CRYBG2: variants seen among roughly 807,000 people sequenced by gnomAD.
CRYBG2 encodes the protein beta/gamma crystallin domain-containing protein 2.
Under a neutral mutation model 153.4 loss-of-function variants are expected in CRYBG2, and 106 were observed. The observed-to-expected ratio is 0.69, with a 90% confidence interval of 0.59 to 0.81. The LOEUF is 0.81. Among genes scored for constraint, CRYBG2 ranks in the 30% least tolerant of loss-of-function variants. The pLI, the probability that CRYBG2 is intolerant of heterozygous loss-of-function variation, is 0.00. For missense variants in CRYBG2, 1,996 were observed against 2,112.0 expected (o/e 0.95, Z 1.08); for synonymous variants, 851 against 877.8 (o/e 0.97, Z 0.54).
At position 26,344,778 on chromosome 1, in the gene CRYBG2, G is replaced by T. The variant is rs760812107; in HGVS notation, c.1880C>A (p.Ser627Tyr). Reference sequence around the variant, plus strand: ...CTGGACAACCTCAGTTGACTTGGGGGACAAGGCAGCAGGAGCACCAGACCC... The same window carrying T: ...CTGGACAACCTCAGTTGACTTGGGGTACAAGGCAGCAGGAGCACCAGACCC... ...VQGSGAPAAL[S>Y]PKSTEVVQGP... The change falls in exon 2 of 20, where the codon TCC (serine) becomes TAC (tyrosine). Residue 627 changes from serine (S) to tyrosine (Y), a missense_variant. Ser to Tyr is a moderately radical substitution (Grantham distance 144, BLOSUM62 -2). Coordinates refer to ENST00000308182, the MANE Select transcript of CRYBG2 (RefSeq NM_001039775.4). 28 of 1,536,070 alleles carry T rather than the reference G, an allele frequency of 1.8e-5. No homozygotes were observed. Among genetic ancestry groups the T allele is most frequent in the South Asian group, 1.3e-4 (11 of 84,042 alleles).
intron 14 of CRYBG2, among the ~76,000 whole-genome samples, chr1:26,333,045 A>AAAAAAAAAAAAAAAC (rs2074016334): frequency 1.4e-5 from 2 of 138,736 alleles, no homozygotes; most frequent in Non-Finnish European, 3.1e-5. Flanking sequence ...AAAAAAAAAA[A>AAAAAAAAAAAAAAAC]AGATTTCTAA....
chr1:26,332,114 T>G (rs1417285514), intron 14 of CRYBG2, among the ~76,000 whole-genome samples: 11 of 150,402 alleles, frequency 7.3e-5, no homozygotes, highest in Admixed American at 7.2e-4. Context: ...GAGACCATCC[T>G]GGCTAACACA....
At chr1:26,339,741 CA>C (rs35587689) in intron 5 of CRYBG2, among the ~76,000 whole-genome samples, 235 of 142,840 alleles carry the variant, frequency 1.6e-3, no homozygotes, top group African/African-American at 2.9e-3. Flanking sequence ...CGTCTCAAAA[CA>C]AAAAAAAAAA....
intron 1 of CRYBG2, among the ~76,000 whole-genome samples, chr1:26,349,482 C>T (rs1006500718): frequency 1.3e-5 from 2 of 152,188 alleles, no homozygotes; most frequent in Non-Finnish European, 2.9e-5. Flanking sequence ...TCTCACCCTC[C>T]GTCCTGGAGG....
chr1:26,332,494 TTTGTTGTTGTTA>T (rs1019526463), intron 14 of CRYBG2, among the ~76,000 whole-genome samples: 10 of 152,082 alleles, frequency 6.6e-5, no homozygotes, highest in African/African-American at 2.2e-4. Context: ...ATTCACACTT[TTTGTTGTTGTTA>T]TTGTTGTTGT....
At chr1:26,339,984 T>C (rs1392093350) in intron 5 of CRYBG2, among the ~76,000 whole-genome samples, 1 of 152,178 alleles carries the variant, frequency 6.6e-6, no homozygotes, top group African/African-American at 2.4e-5. Context: ...CGGGAGAACC[T>C]GCAAAGTGCC....
At position 26,336,505 on chromosome 1, in the gene CRYBG2, A is replaced by G. The variant is rs1395817340; in HGVS notation, c.4038+101T>C. 5 of 1,542,868 alleles carry G rather than the reference A, an allele frequency of 3.2e-6. No homozygotes were observed. Among genetic ancestry groups the G allele is most frequent in the African/African-American group, 1.4e-5 (1 of 72,268 alleles). On this transcript the variant is annotated intron_variant, in intron 12 of 19. Transcript: ENST00000308182. The surrounding 1 kb of genome is among the most constrained non-coding windows in gnomAD (Gnocchi z 4.9). ...TTCTAAGGCCCCGCCCCAAGCGCCCAGGCAGGTCCTCCAGCCCGCTACCTC... is the reference window on the plus strand; with the variant it reads ...TTCTAAGGCCCCGCCCCAAGCGCCCGGGCAGGTCCTCCAGCCCGCTACCTC...
intron 1 of CRYBG2, 149 bp downstream of exon 1, chr1:26,353,887 A>C: frequency 2.5e-6 from 1 of 398,270 alleles, no homozygotes; most frequent in East Asian, 3.6e-5. Context: ...GAGGGAGAGG[A>C]AGGCAGGGTT....
intron 18 of CRYBG2, among the ~76,000 whole-genome samples, chr1:26,322,982 T>C (rs1418639589): frequency 6.6e-6 from 1 of 152,164 alleles, no homozygotes; most frequent in Non-Finnish European, 1.5e-5. Context: ...GGCTGTTCCC[T>C]CTGCCTGGAA....
chr1:26,348,200 T>G (rs2074248178), intron 1 of CRYBG2, among the ~76,000 whole-genome samples: 1 of 152,194 alleles, frequency 6.6e-6, no homozygotes, highest in Admixed American at 6.5e-5. Context: ...TGTATGGGCA[T>G]GAGCACCTGC....
At chr1:26,333,530 C>T (rs558909906) in intron 14 of CRYBG2, among the ~76,000 whole-genome samples, 1 of 151,362 alleles carries the variant, frequency 6.6e-6, no homozygotes, top group African/African-American at 2.4e-5. Flanking sequence ...TGCGCCATTG[C>T]ACTCCAGCCT....
intron 18 of CRYBG2, 73 bp downstream of exon 18, chr1:26,324,079 G>A: frequency 6.6e-7 from 1 of 1,510,626 alleles, no homozygotes; most frequent in South Asian, 1.2e-5. Flanking sequence ...TCCTGATTGG[G>A]CTGGGACTCC....
chr1:26,335,802 TAG>T (rs1300821666), intron 14 of CRYBG2, among the ~76,000 whole-genome samples: 6 of 152,180 alleles, frequency 3.9e-5, no homozygotes, highest in Admixed American at 3.9e-4. Context: ...TCTTTCATAT[TAG>T]AGACACACGT....
In CRYBG2 at chr1:26,346,672, A is replaced by G. The variant is rs1178665488; in HGVS notation, c.-15T>C. The G allele has an allele frequency of 2.6e-6, 4 of 1,521,242 alleles. No homozygotes were observed. The Admixed American group carries it at 6.4e-5, about 24-fold the overall frequency. 94.2% of individuals were successfully genotyped at this position (1,521,242 alleles called of 1,614,324 possible). A position where few individuals can be genotyped will look rare whatever the true frequency, so the allele number is the denominator to read the frequency against. On this transcript the variant is annotated 5_prime_UTR_variant, in exon 2 of 20. Transcript: ENST00000308182. The surrounding 1 kb of genome is among the most constrained non-coding windows in gnomAD (Gnocchi z 4.9). The stretch of plus-strand genomic sequence containing the variant: ...GCCTCCTCCATGTGGGGCCCTGGCA[A>G]CCTGTCTGGAGGTGTCCTTGTCCCA...
chr1:26,341,417 T>C (rs2074128092), intron 5 of CRYBG2, among the ~76,000 whole-genome samples: 1 of 152,156 alleles, frequency 6.6e-6, no homozygotes, highest in African/African-American at 2.4e-5. Flanking sequence ...TCATTGCTCT[T>C]CCTTCTCGTG....
intron 1 of CRYBG2, among the ~76,000 whole-genome samples, chr1:26,353,085 G>A (rs2074303414): frequency 6.6e-6 from 1 of 152,100 alleles, no homozygotes; most frequent in Non-Finnish European, 1.5e-5. Flanking sequence ...ATGGAGCAGT[G>A]GTTAGAGCAC....
At position 26,346,681 on chromosome 1, in the gene CRYBG2, G is replaced by A. The variant is rs763457734; in HGVS notation, c.-24C>T. Reference sequence around the variant, plus strand: ...ATGTGGGGCCCTGGCAACCTGTCTGGAGGTGTCCTTGTCCCACTGTGGTCC... The same window carrying A: ...ATGTGGGGCCCTGGCAACCTGTCTGAAGGTGTCCTTGTCCCACTGTGGTCC... On this transcript the variant is annotated 5_prime_UTR_variant, in exon 2 of 20. Coordinates refer to ENST00000308182, the MANE Select transcript of CRYBG2 (RefSeq NM_001039775.4). This position sits in a 1 kb window ranked among gnomAD's most constrained non-coding sequence, Gnocchi z 4.9. 1.7e-5 allele frequency: 26 copies of A among 1,504,026 alleles called. No homozygotes were observed. The highest frequency in any genetic ancestry group is 2.2e-5 in the Non-Finnish European group (25 of 1,124,272). The allele number at this position is 1,504,026 out of a possible 1,614,324, so 93.2% of individuals were successfully genotyped here. A position where few individuals can be genotyped will look rare whatever the true frequency, so the allele number is the denominator to read the frequency against.
intron 10 of CRYBG2, 86 bp from the exon 11 acceptor site, chr1:26,337,066 G>C: frequency 1.9e-6 from 3 of 1,571,054 alleles, no homozygotes; most frequent in Non-Finnish European, 2.6e-6. Flanking sequence ...CAGCCCACCC[G>C]GGGAATTAGG....
Position 26,336,597 on chromosome 1 carries a change from G to A in CRYBG2, c.4038+9C>T, listed in dbSNP as rs1257403014. The A allele has an allele frequency of 1.1e-5, 17 of 1,545,434 alleles. No homozygotes were observed. In the South Asian group the frequency reaches 2.0e-4, roughly 18 times the overall value. On this transcript the variant is annotated intron_variant, in intron 12 of 19. Transcript: ENST00000308182. This position sits in a 1 kb window ranked among gnomAD's most constrained non-coding sequence, Gnocchi z 4.9. ...CGGGGAGGCCCCGCCCCCCGCGGCC[G>A]GCACGCACCTGTAGGACCGGCTGCA...
Sources: gnomAD v4.1 joint callset for allele counts (sites outside exome capture counted in the v4.1 genomes callset) on GRCh38, gnomAD v4.1.1 for gene constraint, Gnocchi (gnomAD v3.1) non-coding constraint, MANE v1.5 for transcripts, NCBI Gene and HGNC (gene_info 2026-07-23, HGNC 2026-07-21) for gene names.